Variants in TPRG1 observed in about 807,000 individuals in gnomAD.
The protein encoded by TPRG1 is tumor protein p63 regulated 1.
A neutral mutation model predicts 29.3 loss-of-function variants in TPRG1; 29 were observed. The ratio of observed to expected loss-of-function variants is 0.99; its 90% CI spans 0.74 to 1.35. The LOEUF (loss-of-function observed/expected upper bound fraction) is 1.35, where lower values mean the gene tolerates loss of function less well. Ranked by LOEUF, TPRG1 falls within the 40% of genes most tolerant of loss-of-function variation. The probability of loss-of-function intolerance (pLI) is 0.00; values close to 1 mark genes in which losing one functional copy is unlikely to be tolerated. For missense variants in TPRG1, 327 were observed against 335.0 expected (o/e 0.98, Z 0.19); for synonymous variants, 130 against 116.8 (o/e 1.11, Z -0.73).
rs546594390 is a variant in TPRG1, at chr3:189,131,674, A to G, written c.-589-725A>G. ...ATGAGGCAGATCTGGGACCTCTGAG[A>G]TTGTCCTCATTAAGACCCTTCAGCA... On this transcript the variant is annotated intron_variant, in intron 2 of 6. Transcript: ENST00000412373. 4.6e-5 allele frequency among the ~76,000 whole-genome samples: 7 copies of G among 152,308 alleles called. No individual in the cohort carries two copies. The South Asian group carries it at 1.4e-3, about 32-fold the overall frequency.
chr3:189,053,023 TCAC>T (rs1188468396), intron 4 of TPRG1, among the ~76,000 whole-genome samples: 1 of 152,060 alleles, frequency 6.6e-6, no homozygotes, highest in Non-Finnish European at 1.5e-5. Flanking sequence ...ATCTCACAAA[TCAC>T]CATTAAAGAA....
At chr3:189,276,284 C>T (rs1716130712) in intron 4 of TPRG1, among the ~76,000 whole-genome samples, 1 of 151,944 alleles carries the variant, frequency 6.6e-6, no homozygotes, top group East Asian at 1.9e-4. Context: ...TGATTTGGTG[C>T]TGGAAGTAGG....
At chr3:189,263,889 A>C (rs771486606) in intron 4 of TPRG1, among the ~76,000 whole-genome samples, 6 of 152,154 alleles carry the variant, frequency 3.9e-5, no homozygotes, top group Non-Finnish European at 7.4e-5. Context: ...TAAGAAATGG[A>C]GGCAGCAGGG....
At chr3:189,147,242 A>G (rs1420953634) in intron 3 of TPRG1, among the ~76,000 whole-genome samples, 1 of 152,236 alleles carries the variant, frequency 6.6e-6, no homozygotes, top group Non-Finnish European at 1.5e-5. Context: ...AGACTTGCTT[A>G]GTTAAAAGAA....
At chr3:189,294,208 A>G (rs1719491450) in intron 4 of TPRG1, among the ~76,000 whole-genome samples, 1 of 152,214 alleles carries the variant, frequency 6.6e-6, no homozygotes, top group Non-Finnish European at 1.5e-5. Context: ...TGAAGTTTAA[A>G]TTTCTGGAGA....
At chr3:189,305,998 T>G (rs1721572139) in intron 4 of TPRG1, among the ~76,000 whole-genome samples, 1 of 152,234 alleles carries the variant, frequency 6.6e-6, no homozygotes, top group Non-Finnish European at 1.5e-5. Context: ...TAAGTGATCC[T>G]CTATTTCTGA....
At chr3:189,033,607 A>C (rs1714070439) in intron 4 of TPRG1, among the ~76,000 whole-genome samples, 1 of 148,266 alleles carries the variant, frequency 6.7e-6, no homozygotes, top group Non-Finnish European at 1.5e-5. Flanking sequence ...TTTGAGATGG[A>C]GTCACTTTGT....
chr3:189,309,185 G>A (rs1333540750), intron 4 of TPRG1, among the ~76,000 whole-genome samples: 3 of 151,248 alleles, frequency 2.0e-5, no homozygotes, highest in Non-Finnish European at 2.9e-5. Flanking sequence ...GAATGTTTCA[G>A]GGACTTTTTT....
At chr3:189,180,616 G>A (rs1449251877) in intron 1 of TPRG1, among the ~76,000 whole-genome samples, 1 of 152,184 alleles carries the variant, frequency 6.6e-6, no homozygotes, top group Non-Finnish European at 1.5e-5. Flanking sequence ...GCAAGAGGTA[G>A]GTTCCAATGG....
intron 2 of TPRG1, among the ~76,000 whole-genome samples, chr3:189,128,054 C>A (rs561449264): frequency 6.6e-6 from 1 of 152,178 alleles, no homozygotes; most frequent in African/African-American, 2.4e-5. Context: ...CTTAAAAAAT[C>A]TGCACAGTAT....
chr3:189,109,132 C>T (rs1013244888), intron 1 of TPRG1, among the ~76,000 whole-genome samples: 2 of 151,846 alleles, frequency 1.3e-5, no homozygotes, highest in African/African-American at 4.8e-5. Flanking sequence ...TTCCTCTGGG[C>T]TGTGTGGGAG....
chr3:189,023,073 G>T (rs990865461), intron 3 of TPRG1, among the ~76,000 whole-genome samples: 1 of 152,194 alleles, frequency 6.6e-6, no homozygotes, highest in Non-Finnish European at 1.5e-5. Context: ...GCAATACCTC[G>T]CCCTGCTTTG....
intron 1 of TPRG1, chr3:189,123,761 G>C (rs1444784599): frequency 2.0e-5 from 3 of 152,238 alleles, no homozygotes; most frequent in African/African-American, 7.2e-5. Context: ...TAAGCGAGTA[G>C]AGAAATGCTT....
At chr3:189,290,953 A>G (rs1304654949) in intron 4 of TPRG1, among the ~76,000 whole-genome samples, 1 of 152,024 alleles carries the variant, frequency 6.6e-6, no homozygotes, top group Non-Finnish European at 1.5e-5. Context: ...CCCAGGCTGG[A>G]GTGCAGTGGC....
intron 4 of TPRG1, among the ~76,000 whole-genome samples, chr3:189,087,989 G>A (rs1338044366): frequency 1.3e-5 from 2 of 151,188 alleles, no homozygotes; most frequent in Non-Finnish European, 2.9e-5. Context: ...TGGCAATGCG[G>A]GATTTTTTTG....
chr3:189,207,767 T>C (rs960138119), intron 2 of TPRG1, among the ~76,000 whole-genome samples, 173 bp downstream of exon 2: 3 of 152,178 alleles, frequency 2.0e-5, no homozygotes, highest in Non-Finnish European at 4.4e-5. Flanking sequence ...ATCTGAACTT[T>C]AGAGAATTTA....
chr3:189,019,513 T>TG (rs1713166131), intron 3 of TPRG1, among the ~76,000 whole-genome samples: 1 of 152,246 alleles, frequency 6.6e-6, no homozygotes, highest in Admixed American at 6.5e-5. Flanking sequence ...TCTTTGGCTC[T>TG]GTTTATATGC....
chr3:189,294,803 TACACAC>T lies in TPRG1; in HGVS notation c.480-15563_480-15558del, dbSNP rs10544733. ...CCTTTAATTACACAACCCTTACAGT[TACACAC>T]ACACACACACACACACACAGCGCGC... On this transcript the variant is annotated intron_variant, in intron 4 of 5. Coordinates refer to ENST00000345063, the MANE Select transcript of TPRG1 (RefSeq NM_198485.4). Among the ~76,000 whole-genome samples, 1,393 of 150,162 alleles carry T rather than the reference TACACAC, an allele frequency of 9.3e-3. 34 individuals carry two copies. The highest frequency in any genetic ancestry group is 0.032 in the African/African-American group (1,329 of 41,012).
intron 1 of TPRG1, among the ~76,000 whole-genome samples, chr3:189,108,333 C>A (rs1413701408): frequency 6.6e-6 from 1 of 152,090 alleles, no homozygotes; most frequent in Admixed American, 6.6e-5. Context: ...CATGGAGATT[C>A]CTGGCTAGCT....
Sources: gnomAD v4.1 joint callset for allele counts (sites outside exome capture counted in the v4.1 genomes callset) on GRCh38, gnomAD v4.1.1 for gene constraint, MANE v1.5 for transcripts, NCBI Gene and HGNC (gene_info 2026-07-23, HGNC 2026-07-21) for gene names.